Variants in TRPM3 observed in about 807,000 individuals in gnomAD.
TRPM3 encodes the protein long transient receptor potential channel 3.
In TRPM3, 77 loss-of-function variants were observed where a neutral mutation model predicts 181.2. The ratio of observed to expected loss-of-function variants is 0.42; its 90% CI spans 0.35 to 0.51. TRPM3 has a LOEUF of 0.51. Among genes scored for constraint, TRPM3 ranks in the 20% least tolerant of loss-of-function variants. TRPM3 has a pLI of 0.01. For synonymous variants in TRPM3, 745 were observed against 796.4 expected, an observed-to-expected ratio of 0.94 and a Z score of 1.09; for missense variants, 1,759 against 2,196.7, an observed-to-expected ratio of 0.80 and a Z score of 3.98.
chr9:70,908,000 G>A (rs2096490678), intron 1 of TRPM3, among the ~76,000 whole-genome samples: 1 of 152,124 alleles, frequency 6.6e-6, no homozygotes, highest in African/African-American at 2.4e-5. Context: ...ATTGGGAATA[G>A]TGCTTCAATA....
chr9:71,123,975 GA>G (rs1372655632), upstream of TRPM3, among the ~76,000 whole-genome samples: 2 of 152,112 alleles, frequency 1.3e-5, no homozygotes, highest in African/African-American at 4.8e-5. Flanking sequence ...TAATTTTACT[GA>G]ATAACTTTGG....
intron 1 of TRPM3, among the ~76,000 whole-genome samples, chr9:71,415,422 T>A (rs773371183): frequency 2.6e-5 from 4 of 152,082 alleles, no homozygotes; most frequent in African/African-American, 7.2e-5. Flanking sequence ...TTTATTAATA[T>A]CATTCTTTAA....
intron 1 of TRPM3, among the ~76,000 whole-genome samples, chr9:71,230,499 C>G (rs1019537028): frequency 6.6e-6 from 1 of 151,994 alleles, no homozygotes; most frequent in Non-Finnish European, 1.5e-5. Context: ...AGAATAAATG[C>G]TTGAGGTGGT....
chr9:71,254,728 T>C (rs756142340), intron 1 of TRPM3, among the ~76,000 whole-genome samples: 13 of 152,178 alleles, frequency 8.5e-5, no homozygotes, highest in Non-Finnish European at 1.6e-4. Context: ...AACAAATTGG[T>C]CTTGTACATA....
intron 1 of TRPM3, among the ~76,000 whole-genome samples, chr9:71,059,991 G>A (rs1191458395): frequency 6.6e-6 from 1 of 152,072 alleles, no homozygotes; most frequent in Non-Finnish European, 1.5e-5. Flanking sequence ...TTACTCTGAA[G>A]GAAAGAAGTC....
chr9:71,245,107 A>G (rs914332882), intron 1 of TRPM3, among the ~76,000 whole-genome samples: 2 of 152,142 alleles, frequency 1.3e-5, no homozygotes, highest in African/African-American at 4.8e-5. Flanking sequence ...CTATTCTAGG[A>G]GAAACATGTA....
chr9:70,786,057 T>C (rs2083512983), intron 6 of TRPM3, among the ~76,000 whole-genome samples: 2 of 152,234 alleles, frequency 1.3e-5, no homozygotes, highest in South Asian at 4.2e-4. Context: ...GAGCCCTTAG[T>C]GACTCAAATG....
chr9:71,146,354 T>C (rs1396287634), intron 1 of TRPM3, among the ~76,000 whole-genome samples: 2 of 152,184 alleles, frequency 1.3e-5, no homozygotes. Flanking sequence ...CTACCCTGCA[T>C]AGTAAACAAT....
At chr9:70,656,311 T>G (rs2060326723) in intron 9 of TRPM3, among the ~76,000 whole-genome samples, 1 of 152,262 alleles carries the variant, frequency 6.6e-6, no homozygotes, top group Admixed American at 6.5e-5. Flanking sequence ...AAGATACTCA[T>G]ATTGGTTTAA....
chr9:70,819,916 T>A (rs778738975), intron 6 of TRPM3, among the ~76,000 whole-genome samples: 4 of 152,220 alleles, frequency 2.6e-5, no homozygotes, highest in Non-Finnish European at 4.4e-5. Context: ...TGAAGACAAC[T>A]AGATTTCTGT....
intron 12 of TRPM3, among the ~76,000 whole-genome samples, chr9:70,633,867 T>G (rs1454815893): frequency 6.6e-6 from 1 of 152,176 alleles, no homozygotes; most frequent in Non-Finnish European, 1.5e-5. Flanking sequence ...CAAGTGGCGA[T>G]AGTGGGCAAA....
chr9:71,096,590 A>ACACACACTCT lies in TRPM3; in HGVS notation c.177+24587_177+24588insAGAGTGTGTG, dbSNP rs1452142664. ...CACACACACACACACACACACACAC[A>ACACACACTCT]CTCTCTCTCTCTCTCTCTCTCTCTC... is the stretch of plus-strand genomic sequence containing the variant. On this transcript the variant is annotated intron_variant, in intron 1 of 25. Coordinates refer to ENST00000677713, the MANE Select transcript of TRPM3 (RefSeq NM_001366145.2). Among the ~76,000 whole-genome samples the ACACACACTCT allele has an allele frequency of 1.8e-3, 158 of 90,038 alleles. 1 individual carries two copies. The highest frequency in any genetic ancestry group is 9.3e-3 in the South Asian group (19 of 2,050). The allele number at this position is 90,038 out of a possible 152,430, so 59.1% of individuals were successfully genotyped here. A position where few individuals can be genotyped will look rare whatever the true frequency, so the allele number is the denominator to read the frequency against.
intron 1 of TRPM3, among the ~76,000 whole-genome samples, chr9:71,362,196 T>C (rs1390717781): frequency 1.3e-5 from 2 of 152,250 alleles, no homozygotes; most frequent in Non-Finnish European, 2.9e-5. Flanking sequence ...CCAGTCTGTC[T>C]GTTCCCATAT....
At chr9:71,435,258 A>G (rs964647400) in intron 1 of TRPM3, among the ~76,000 whole-genome samples, 1 of 152,216 alleles carries the variant, frequency 6.6e-6, no homozygotes. Flanking sequence ...ATGTATAATT[A>G]CTATCTAATA....
rs192396442 is a variant in TRPM3 at position 70,980,992 on chromosome 9, T to A, written c.178-116481A>T. On this transcript the variant is annotated intron_variant, in intron 1 of 25. Transcript: ENST00000677713. ...ATGTACACATGCATGTGAGTATGCA[T>A]ACACACTCACACAAACATACAAGAA... 2.5e-3 allele frequency among the ~76,000 whole-genome samples: 382 copies of A among 152,342 alleles called. 4 individuals are homozygous for A. Among genetic ancestry groups the A allele is most frequent in the African/African-American group, 8.8e-3 (367 of 41,568 alleles).
At chr9:70,637,965 C>A (rs1463895568) in intron 11 of TRPM3, among the ~76,000 whole-genome samples, 1 of 151,980 alleles carries the variant, frequency 6.6e-6, no homozygotes, top group Non-Finnish European at 1.5e-5. Flanking sequence ...GTGTAATGAA[C>A]CTGCACGTTC....
chr9:70,688,087 C>A (rs1192771202), intron 8 of TRPM3, among the ~76,000 whole-genome samples: 1 of 152,176 alleles, frequency 6.6e-6, no homozygotes, highest in African/African-American at 2.4e-5. Flanking sequence ...TACTATTACA[C>A]TCCTTTTTTT....
At chr9:71,250,481 C>T (rs2082281157) in intron 1 of TRPM3, among the ~76,000 whole-genome samples, 1 of 152,102 alleles carries the variant, frequency 6.6e-6, no homozygotes, top group African/African-American at 2.4e-5. Flanking sequence ...TACTGCTGTC[C>T]TTAAGCTTAT....
At chr9:70,645,794 A>C (rs1302174466) in intron 9 of TRPM3, among the ~76,000 whole-genome samples, 2 of 152,198 alleles carry the variant, frequency 1.3e-5, no homozygotes, top group African/African-American at 2.4e-5. Context: ...GTGATCAGGC[A>C]ACCTACAGAA....
Sources: gnomAD v4.1 joint callset for allele counts (sites outside exome capture counted in the v4.1 genomes callset) on GRCh38, gnomAD v4.1.1 for gene constraint, MANE v1.5 for transcripts, NCBI Gene and HGNC (gene_info 2026-07-23, HGNC 2026-07-21) for gene names.